The following C6orf62 variants were observed in gnomAD, a reference collection of about 807,000 sequenced individuals.
C6orf62 encodes chromosome 6 open reading frame 62.
Under a neutral mutation model 26.8 loss-of-function variants are expected in C6orf62, and 16 were observed. The ratio of observed to expected loss-of-function variants is 0.60; its 90% CI spans 0.40 to 0.91. The LOEUF (loss-of-function observed/expected upper bound fraction) is 0.91. Among genes scored for constraint, C6orf62 ranks in the 40% least tolerant of loss-of-function variants. C6orf62 has a pLI of 0.00. For synonymous variants in C6orf62, 112 were observed against 91.5 expected, an observed-to-expected ratio of 1.22 and a Z score of -1.28; for missense variants, 192 against 271.4, an observed-to-expected ratio of 0.71 and a Z score of 2.06.
chr6:24,715,848 C>CAAAAAAA (rs139717677), intron 2 of C6orf62, among the ~76,000 whole-genome samples: 1 of 63,850 alleles, frequency 1.6e-5, no homozygotes, highest in Non-Finnish European at 3.0e-5. Context: ...GACTTTGTCT[C>CAAAAAAA]AAAAAAAAAA....
At position 24,706,100 on chromosome 6, in the gene C6orf62, G is replaced by A; in HGVS notation, c.*37C>T. ...GAAAACAAGAAAAAAAACTGCTGCTGCATTCTCTGATCTTCTCCATTTTGC... is the reference window on the plus strand; with the variant it reads ...GAAAACAAGAAAAAAAACTGCTGCTACATTCTCTGATCTTCTCCATTTTGC... On this transcript the variant is annotated 3_prime_UTR_variant, in exon 5 of 5. Transcript: ENST00000378119. The A allele has an allele frequency of 6.2e-7, 1 of 1,601,488 alleles. No homozygotes were observed. The highest frequency in any genetic ancestry group is 8.5e-7 in the Non-Finnish European group (1 of 1,173,180).
rs144289839 is a variant in C6orf62 at position 24,710,679 on chromosome 6, A to G, written c.430-1768T>C. 106 of 947,806 alleles carry G rather than the reference A, an allele frequency of 1.1e-4. No individual in the cohort carries two copies. The Middle Eastern group carries it at 1.6e-3, about 14-fold the overall frequency. The allele number at this position is 947,806 out of a possible 1,614,324, so 58.7% of individuals were successfully genotyped here. A position where few individuals can be genotyped will look rare whatever the true frequency, so the allele number is the denominator to read the frequency against. ...CTTTAAAGATTAAGAGGATTTCCCC[A>G]GGACAAAGTAGTAATGGTAAGTAAT... On this transcript the variant is annotated intron_variant, in intron 3 of 4. Transcript: ENST00000378119.
At chr6:24,706,524 G>C (rs1779012624) in intron 4 of C6orf62, among the ~76,000 whole-genome samples, 1 of 152,150 alleles carries the variant, frequency 6.6e-6, no homozygotes, top group African/African-American at 2.4e-5. Flanking sequence ...CATTTCATGG[G>C]GACAGATTTT....
chr6:24,716,016 CACAAAG>C (rs1779222167), intron 2 of C6orf62, 126 bp downstream of exon 2: 6 of 692,264 alleles, frequency 8.7e-6, no homozygotes, highest in Non-Finnish European at 1.5e-5. Context: ...ATCAACATGG[CACAAAG>C]ACAAATTTAC....
intron 1 of C6orf62, among the ~76,000 whole-genome samples, chr6:24,717,137 TATATC>T (rs1186165579): frequency 6.6e-6 from 1 of 152,224 alleles, no homozygotes; most frequent in African/African-American, 2.4e-5. Flanking sequence ...CTATTAAGTA[TATATC>T]ATGAATTATT....
rs756082764 is a variant in C6orf62 at position 24,716,316 on chromosome 6, C to G, written c.138G>C (p.Lys46Asn). 4.3e-6 allele frequency: 7 copies of G among 1,613,138 alleles called. No individual in the cohort carries two copies. The highest frequency in any genetic ancestry group is 2.2e-5 in the East Asian group (1 of 44,866). The stretch of plus-strand genomic sequence containing the variant: ...CCTCAGACACTTCAAAAAGTGCTGA[C>G]TTTTTCTTCTAGAAGAAAAGAAAAT... The part of the protein sequence containing the change: ...IAFVFKEKKK[K>N]SALFEVSEVI... Residue 46 changes from lysine to asparagine, a missense_variant, in exon 2 of 5, where the codon AAG (lysine) becomes AAC (asparagine). Coordinates refer to ENST00000378119, the MANE Select transcript of C6orf62 (RefSeq NM_030939.5).
At chr6:24,710,499 G>A (rs1392123256) in intron 3 of C6orf62, 1 of 710,828 alleles carries the variant, frequency 1.4e-6, no homozygotes, top group African/African-American at 1.9e-5. Flanking sequence ...CCCGACCTCA[G>A]GTGATCCATC....
In C6orf62 at chr6:24,714,518, C is replaced by A. The variant is rs1779186741; in HGVS notation, c.307-78G>T. Reference sequence around the variant, plus strand: ...AAGCCATGTCACAAATTATAGGGTTCCCCTATAAAAACATTTTATAAGTAC... The same window carrying A: ...AAGCCATGTCACAAATTATAGGGTTACCCTATAAAAACATTTTATAAGTAC... On this transcript the variant is annotated intron_variant, in intron 2 of 4. Coordinates refer to ENST00000378119, the MANE Select transcript of C6orf62 (RefSeq NM_030939.5). The A allele has an allele frequency of 1.1e-5, 12 of 1,082,100 alleles. No homozygotes were observed. In the East Asian group the frequency reaches 2.0e-4, roughly 18 times the overall value. The allele number at this position is 1,082,100 out of a possible 1,614,324, so 67.0% of individuals were successfully genotyped here.
intron 3 of C6orf62, chr6:24,710,381 T>G (rs1398406945): frequency 2.2e-6 from 1 of 446,252 alleles, no homozygotes; most frequent in Non-Finnish European, 3.0e-6. Context: ...TTCTTCTGCC[T>G]CAGCCTCCCA....
At chr6:24,710,816 C>G (rs116822957) in intron 3 of C6orf62, among the ~76,000 whole-genome samples, 4,915 of 151,902 alleles carry the variant, frequency 0.032, 188 homozygotes, top group African/African-American at 0.09. Flanking sequence ...CCGGGCAACA[C>G]AGTGAGATCC....
chr6:24,719,880 G>A (rs563805270), upstream of C6orf62: 56 of 1,550,146 alleles, frequency 3.6e-5, no homozygotes, highest in Admixed American at 6.3e-4. Flanking sequence ...GGAGACACAG[G>A]ATCACTCAGG....
intron 3 of C6orf62, among the ~76,000 whole-genome samples, chr6:24,710,824 T>A (rs1230790225): frequency 6.6e-6 from 1 of 151,566 alleles, no homozygotes; most frequent in African/African-American, 2.4e-5. Flanking sequence ...CACAGTGAGA[T>A]CCTATCTCTA....
chr6:24,710,271 T>A (rs1212617778), intron 3 of C6orf62: 1 of 984,124 alleles, frequency 1.0e-6, no homozygotes, highest in East Asian at 1.1e-4. Context: ...CTCCAATTTT[T>A]TTTTTTTTTT....
intron 3 of C6orf62, among the ~76,000 whole-genome samples, chr6:24,711,882 T>G (rs979093575): frequency 4.6e-5 from 7 of 152,310 alleles, no homozygotes; most frequent in African/African-American, 1.7e-4. Flanking sequence ...ATTACCTACA[T>G]CATACTGCTT....
At chr6:24,712,690 CAAAAAA>C (rs10574302) in intron 3 of C6orf62, among the ~76,000 whole-genome samples, 1 of 100,700 alleles carries the variant, frequency 9.9e-6, no homozygotes, top group Non-Finnish European at 2.0e-5. Flanking sequence ...GACTCTGTCT[CAAAAAA>C]AAAAAAAAAA....
chr6:24,707,775 A>G (rs1301923188), intron 4 of C6orf62, among the ~76,000 whole-genome samples: 2 of 151,930 alleles, frequency 1.3e-5, no homozygotes, highest in African/African-American at 4.8e-5. Context: ...AGGCCAAGGC[A>G]GGCAGATCAT....
rs1307842851 is a variant in C6orf62, at chr6:24,708,903, A to C, written c.438T>G (p.Phe146Leu). 1 of 1,613,936 alleles carries C rather than the reference A, an allele frequency of 6.2e-7. No homozygotes were observed. The highest frequency in any genetic ancestry group is 8.5e-7 in the Non-Finnish European group (1 of 1,180,018). The change falls in exon 4 of 5, where the codon TTT becomes TTG. Residue 146 changes from phenylalanine (F) to leucine (L), a missense_variant. Transcript: ENST00000378119. ...TTTCATAGTCACCATGATGAAACTC[A>C]AATTTGGCCTAATTACAAAATACAA... ...DEPFRPVQAK[F>L]EFHHGDYEKQ...
chr6:24,712,811 T>A (rs1779148877), intron 3 of C6orf62, among the ~76,000 whole-genome samples: 1 of 151,814 alleles, frequency 6.6e-6, no homozygotes, highest in Non-Finnish European at 1.5e-5. Flanking sequence ...TCAAATAAGG[T>A]CCCAGTGGGA....
intron 3 of C6orf62, among the ~76,000 whole-genome samples, chr6:24,714,086 T>C: frequency 6.6e-6 from 1 of 152,094 alleles, no homozygotes; most frequent in East Asian, 1.9e-4. Context: ...TTTAAAAGAT[T>C]TTCTCTAGTC....
Sources: allele counts gnomAD v4.1 joint callset (sites outside exome capture counted in the v4.1 genomes callset), GRCh38; gene constraint gnomAD v4.1.1; transcripts MANE v1.5; gene names NCBI Gene and HGNC (gene_info 2026-07-23, HGNC 2026-07-21).